The following TGFA variants were observed in gnomAD, a reference collection of about 807,000 sequenced individuals.
TGFA encodes transforming growth factor alpha, also known as protransforming growth factor alpha.
A neutral mutation model predicts 21.7 loss-of-function variants in TGFA; 12 were observed. The ratio of observed to expected loss-of-function variants is 0.55; its 90% CI spans 0.35 to 0.90. TGFA has a LOEUF of 0.90. Among genes scored for constraint, TGFA ranks in the 40% least tolerant of loss-of-function variants. The pLI, the probability that TGFA is intolerant of heterozygous loss-of-function variation, is 0.01. For synonymous variants in TGFA, 79 were observed against 88.1 expected, an observed-to-expected ratio of 0.90 and a Z score of 0.58; for missense variants, 178 against 210.8, an observed-to-expected ratio of 0.84 and a Z score of 0.96.
At position 70,470,140 on chromosome 2, in the gene TGFA, G is replaced by A. The variant is rs80067454; in HGVS notation, c.95-4404C>T. Among the ~76,000 whole-genome samples the A allele has an allele frequency of 1.1e-3, 163 of 152,022 alleles. 1 individual carries two copies. Among genetic ancestry groups the A allele is most frequent in the Non-Finnish European group, 2.2e-3 (147 of 67,962 alleles). On this transcript the variant is annotated intron_variant, in intron 2 of 5. Transcript: ENST00000295400. Reference sequence around the variant, plus strand: ...AGAGAGTAGAGAGAGACGGGGTGGGGTTATGAGAGCGATAAGAGAGAGAAG... The same window carrying A: ...AGAGAGTAGAGAGAGACGGGGTGGGATTATGAGAGCGATAAGAGAGAGAAG...
intron 2 of TGFA, among the ~76,000 whole-genome samples, chr2:70,483,844 C>T (rs1035155695): frequency 7.9e-5 from 12 of 152,178 alleles, no homozygotes; most frequent in African/African-American, 2.7e-4. Context: ...TCTTTGTCAC[C>T]TCTTGGGACA....
At chr2:70,541,773 G>A (rs1013547038) in intron 1 of TGFA, among the ~76,000 whole-genome samples, 1 of 152,112 alleles carries the variant, frequency 6.6e-6, no homozygotes, top group Non-Finnish European at 1.5e-5. Flanking sequence ...TGATCTATGA[G>A]TTTACCTCAC....
intron 2 of TGFA, among the ~76,000 whole-genome samples, chr2:70,492,336 A>G (rs548716125): frequency 4.4e-4 from 67 of 152,328 alleles, no homozygotes; most frequent in African/African-American, 1.6e-3. Context: ...CTAGAGCAGG[A>G]ATTAATGGGC....
chr2:70,535,674 G>C (rs1672950094), intron 1 of TGFA, among the ~76,000 whole-genome samples: 1 of 152,204 alleles, frequency 6.6e-6, no homozygotes, highest in Admixed American at 6.5e-5. Flanking sequence ...CTTTTTATCT[G>C]AAATCCAAAA....
chr2:70,535,396 T>A (rs1378688325), intron 1 of TGFA, among the ~76,000 whole-genome samples: 1 of 152,206 alleles, frequency 6.6e-6, no homozygotes, highest in Non-Finnish European at 1.5e-5. Flanking sequence ...AAGTGAACAA[T>A]CCACAAAATA....
intron 1 of TGFA, among the ~76,000 whole-genome samples, chr2:70,533,490 C>T (rs1019831693): frequency 6.6e-6 from 1 of 152,168 alleles, no homozygotes; most frequent in Non-Finnish European, 1.5e-5. Context: ...ACAAGGGCCT[C>T]TGGTCTGAGC....
chr2:70,510,413 G>C (rs143514629), intron 2 of TGFA, among the ~76,000 whole-genome samples: 29 of 152,230 alleles, frequency 1.9e-4, no homozygotes, highest in Admixed American at 1.4e-3. Flanking sequence ...TCCCCACCCT[G>C]GCTCTCCAAG....
chr2:70,492,171 G>C (rs1375798036), intron 2 of TGFA, among the ~76,000 whole-genome samples: 1 of 152,192 alleles, frequency 6.6e-6, no homozygotes, highest in Non-Finnish European at 1.5e-5. Flanking sequence ...TTTGGGACCT[G>C]ACATAGCCAG....
chr2:70,540,295 A>T (rs541728243), intron 1 of TGFA, among the ~76,000 whole-genome samples: 1 of 152,338 alleles, frequency 6.6e-6, no homozygotes, highest in South Asian at 2.1e-4. Context: ...CTAGTGCAAT[A>T]ACACATTCCA....
chr2:70,491,334 A>G (rs184114567), intron 2 of TGFA, among the ~76,000 whole-genome samples: 1 of 152,154 alleles, frequency 6.6e-6, no homozygotes, highest in Non-Finnish European at 1.5e-5. Flanking sequence ...GTTGGCCAGG[A>G]CCAGTGGCTT....
rs571004817 is a variant in TGFA, at chr2:70,486,504, G to A, written c.95-20768C>T. 3.9e-5 allele frequency among the ~76,000 whole-genome samples: 6 copies of A among 152,184 alleles called. No homozygotes were observed. The South Asian group carries it at 6.2e-4, about 16-fold the overall frequency. ...TGTTTGTCTTTTTTTTTGAGACAGG[G>A]TCTCACTTTGTTGTTCAGGCTGGAG... On this transcript the variant is annotated intron_variant, in intron 2 of 5. Transcript: ENST00000295400.
chr2:70,484,473 C>G (rs1671214874), intron 2 of TGFA, among the ~76,000 whole-genome samples: 1 of 152,110 alleles, frequency 6.6e-6, no homozygotes, highest in East Asian at 1.9e-4. Context: ...CATTATTGAG[C>G]CTATTTGTTT....
At chr2:70,477,006 C>T (rs547486270) in intron 2 of TGFA, among the ~76,000 whole-genome samples, 12 of 152,148 alleles carry the variant, frequency 7.9e-5, no homozygotes, top group Non-Finnish European at 1.6e-4. Flanking sequence ...TATAAATTTT[C>T]GAATTTCATG....
At chr2:70,452,577 T>C (rs1349969449) in intron 5 of TGFA, among the ~76,000 whole-genome samples, 1 of 152,142 alleles carries the variant, frequency 6.6e-6, no homozygotes, top group East Asian at 1.9e-4. Context: ...GTGCCTACAA[T>C]TGGGTGATAC....
In TGFA at chr2:70,450,868, T is replaced by TG; in HGVS notation, c.476-3dup. On this transcript the variant is annotated splice_region_variant and splice_polypyrimidine_tract_variant and intron_variant, in intron 5 of 5. Transcript: ENST00000295400. ...TCCTCCTCTGGGCTCTTCAGACCAC[T>TG]GGCAGGAAGGAAAAACAGGTTAAGC... The TG allele has an allele frequency of 1.2e-6, 2 of 1,609,006 alleles. No homozygotes were observed. Among genetic ancestry groups the TG allele is most frequent in the Non-Finnish European group, 1.7e-6 (2 of 1,177,404 alleles).
intron 2 of TGFA, among the ~76,000 whole-genome samples, chr2:70,487,020 C>G (rs945275346): frequency 2.6e-5 from 4 of 152,224 alleles, no homozygotes; most frequent in African/African-American, 9.7e-5. Flanking sequence ...CCTCGGCCTC[C>G]CAAAGTGCTA....
intron 2 of TGFA, among the ~76,000 whole-genome samples, chr2:70,476,108 T>TAAAAAAA (rs1670925497): frequency 2.4e-5 from 2 of 84,004 alleles, no homozygotes; most frequent in Non-Finnish European, 4.9e-5. Flanking sequence ...AAAAAAAAAA[T>TAAAAAAA]TAAGAAAATT....
At position 70,542,197 on chromosome 2, in the gene TGFA, G is replaced by A. The variant is rs1276049124; in HGVS notation, c.40+11531C>T. Among the ~76,000 whole-genome samples, 4 of 152,086 alleles carry A rather than the reference G, an allele frequency of 2.6e-5. No individual in the cohort carries two copies. In the East Asian group the frequency reaches 7.7e-4, roughly 29 times the overall value. The stretch of plus-strand genomic sequence containing the variant: ...TTTTCCTTGTTAGTTGCTAAGAACT[G>A]GGAGAGGGAAGGGAGGAAAGTCTGT... On this transcript the variant is annotated intron_variant, in intron 1 of 5. Coordinates refer to ENST00000295400, the MANE Select transcript of TGFA (RefSeq NM_003236.4).
chr2:70,551,387 A>G (rs1302152228), intron 1 of TGFA, among the ~76,000 whole-genome samples: 1 of 152,208 alleles, frequency 6.6e-6, no homozygotes, highest in Non-Finnish European at 1.5e-5. Flanking sequence ...ACATTCTCTT[A>G]CTGAAAACAT....
Sources: allele counts gnomAD v4.1 joint callset (sites outside exome capture counted in the v4.1 genomes callset), GRCh38; gene constraint gnomAD v4.1.1; transcripts MANE v1.5; gene names NCBI Gene and HGNC (gene_info 2026-07-23, HGNC 2026-07-21).